Variants in RPS16 observed in about 807,000 individuals in gnomAD.
RPS16 encodes the protein small ribosomal subunit protein uS9.
RPS16 carries 2 observed loss-of-function variants against 20.1 expected under a neutral mutation model. The ratio of observed to expected loss-of-function variants is 0.10; its 90% CI spans 0.04 to 0.31. RPS16 has a LOEUF of 0.31. Ranked by LOEUF, RPS16 falls within the 10% of genes least tolerant of loss-of-function variation. The pLI, the probability that RPS16 is intolerant of heterozygous loss-of-function variation, is 1.00. For missense variants in RPS16, 129 were observed against 198.6 expected, an observed-to-expected ratio of 0.65 and a Z score of 2.11; for synonymous variants, 95 against 76.1, an observed-to-expected ratio of 1.25 and a Z score of -1.29.
intron 1 of RPS16, 33 bp from the exon 2 acceptor site, chr19:39,435,741 A>G (rs1266196181): frequency 3.7e-6 from 6 of 1,610,146 alleles, no homozygotes; most frequent in Middle Eastern, 1.6e-4. Flanking sequence ...GGGCCCCGTG[A>G]GCTCCGGCTC....
Position 39,433,655 on chromosome 19 carries a change from T to A in RPS16, c.247+10A>T. On this transcript the variant is annotated intron_variant, in intron 3 of 4. Transcript: ENST00000251453. ...CCACCTCCTCCATGCGCCCAGTTCC[T>A]GGGACTCACCATAAATCTGGGCCAC... The A allele has an allele frequency of 1.2e-6, 2 of 1,614,224 alleles. No homozygotes were observed. The highest frequency in any genetic ancestry group is 1.1e-5 in the South Asian group (1 of 91,090).
chr19:39,434,101 G>C (rs2078846477), intron 2 of RPS16: 2 of 325,528 alleles, frequency 6.1e-6, no homozygotes, highest in African/African-American at 2.1e-5. Context: ...AATAGCTTCT[G>C]AAACTCCCAA....
rs899123875 is a variant in RPS16 at position 39,435,948 on chromosome 19, G to A, written c.-53C>T. On this transcript the variant is annotated 5_prime_UTR_variant, in exon 1 of 5. Transcript: ENST00000251453. ...ACCGCGCGGCGCCGCAACCGGAAAAGGAAAGCTAGGGGCCACCCTGGCCGC... is the reference window on the plus strand; with the variant it reads ...ACCGCGCGGCGCCGCAACCGGAAAAAGAAAGCTAGGGGCCACCCTGGCCGC... 41 of 1,600,336 alleles carry A rather than the reference G, an allele frequency of 2.6e-5. No individual in the cohort carries two copies. Among genetic ancestry groups the A allele is most frequent in the East Asian group, 1.3e-4 (6 of 44,852 alleles).
At position 39,433,435 on chromosome 19, in the gene RPS16, G is replaced by A; in HGVS notation, c.296-17C>T. ...CATCCACATCTGGCAAGAAGAGCAG[G>A]GACGAGGATTTAGATAATCACACAG... is the stretch of plus-strand genomic sequence containing the variant. On this transcript the variant is annotated splice_polypyrimidine_tract_variant and intron_variant, in intron 4 of 4. Coordinates refer to ENST00000251453, the MANE Select transcript of RPS16 (RefSeq NM_001020.6). 1 of 1,613,836 alleles carries A rather than the reference G, an allele frequency of 6.2e-7. No individual in the cohort carries two copies. Among genetic ancestry groups the A allele is most frequent in the South Asian group, 1.1e-5 (1 of 91,068 alleles).
chr19:39,435,728 C>T lies in RPS16; in HGVS notation c.49-20G>A, dbSNP rs1411734967. On this transcript the variant is annotated intron_variant, in intron 1 of 4. Coordinates refer to ENST00000251453, the MANE Select transcript of RPS16 (RefSeq NM_001020.6). ...TGTCTTCTGTAAGATACAAGAGAAA[C>T]AGGGGCCCCGTGAGCTCCGGCTCCA... 1.9e-6 allele frequency: 3 copies of T among 1,612,346 alleles called. No homozygotes were observed. Among genetic ancestry groups the T allele is most frequent in the Middle Eastern group, 1.7e-4 (1 of 6,060 alleles).
At position 39,433,202 on chromosome 19, in the gene RPS16, C is replaced by A; in HGVS notation, c.*71G>T. 1 of 1,499,542 alleles carries A rather than the reference C, an allele frequency of 6.7e-7. No individual in the cohort carries two copies. Among genetic ancestry groups the A allele is most frequent in the Non-Finnish European group, 9.2e-7 (1 of 1,084,452 alleles). 92.9% of individuals were successfully genotyped at this position (1,499,542 alleles called of 1,614,324 possible). A position where few individuals can be genotyped will look rare whatever the true frequency, so the allele number is the denominator to read the frequency against. ...TCCAATACCAACACATAAGGCCACA[C>A]ACAGTTCTTGAAACTTTAAAATCCC... On this transcript the variant is annotated 3_prime_UTR_variant, in exon 5 of 5. Transcript: ENST00000251453.
At chr19:39,433,826 G>T in intron 2 of RPS16, 65 bp from the exon 3 acceptor site, 1 of 1,507,290 alleles carries the variant, frequency 6.6e-7, no homozygotes. Flanking sequence ...ATCTCACTGG[G>T]CTTCTTGTTT....
At chr19:39,434,868 G>A (rs925256487) in intron 2 of RPS16, 3 of 152,248 alleles carry the variant, frequency 2.0e-5, no homozygotes, top group Non-Finnish European at 2.9e-5. Flanking sequence ...CTGCAATGTA[G>A]ATATTCTTTC....
chr19:39,435,425 T>A, intron 2 of RPS16, 182 bp downstream of exon 2: 1 of 585,708 alleles, frequency 1.7e-6, no homozygotes, highest in Non-Finnish European at 3.0e-6. Flanking sequence ...CAACCCCATC[T>A]CAGCTTTTAC....
rs182841244 is a variant in RPS16 at position 39,433,390 on chromosome 19, G to A, written c.324C>T (p.Ile108=). The A allele has an allele frequency of 1.3e-4, 213 of 1,614,162 alleles. 1 individual carries two copies. The East Asian group carries it at 4.5e-3, about 34-fold the overall frequency. ...GGTCATACTGGATGAGGATGTCTTT[G>A]ATCTCCTTCTTGGAAGCCTCATCCA... The part of the protein sequence containing the change: ...KYVDEASKKE[I]KDILIQYDRT... The change falls in exon 5 of 5, where the codon ATC becomes ATT. Residue 108 remains isoleucine (I), a synonymous_variant. Coordinates refer to ENST00000251453, the MANE Select transcript of RPS16 (RefSeq NM_001020.6).
intron 2 of RPS16, 147 bp downstream of exon 2, chr19:39,435,460 C>A: frequency 1.6e-6 from 1 of 628,090 alleles, no homozygotes; most frequent in Non-Finnish European, 2.8e-6. Context: ...AAGCCCAGCT[C>A]TATTGCCAAA....
At position 39,435,579 on chromosome 19, in the gene RPS16, A is replaced by G. The variant is rs760060072; in HGVS notation, c.150+28T>C. On this transcript the variant is annotated intron_variant, in intron 2 of 4. Coordinates refer to ENST00000251453, the MANE Select transcript of RPS16 (RefSeq NM_001020.6). ...CTCTGTCTCCAAGAGTCCTCCATCCACTCAACGCCGGTGCCGGATCCCAGC... is the reference window on the plus strand; with the variant it reads ...CTCTGTCTCCAAGAGTCCTCCATCCGCTCAACGCCGGTGCCGGATCCCAGC... 4.4e-6 allele frequency: 7 copies of G among 1,590,752 alleles called. No individual in the cohort carries two copies. In the East Asian group the frequency reaches 1.6e-4, roughly 36 times the overall value.
At chr19:39,435,097 G>A (rs2078853057) in intron 2 of RPS16, 1 of 154,772 alleles carries the variant, frequency 6.5e-6, no homozygotes, top group South Asian at 1.8e-4. Context: ...TAATGAGTTC[G>A]AGACCACTCT....
chr19:39,433,504 G>A lies in RPS16; in HGVS notation c.295+18C>T, dbSNP rs1372600577. 12 of 1,613,746 alleles carry A rather than the reference G, an allele frequency of 7.4e-6. No homozygotes were observed. Among genetic ancestry groups the A allele is most frequent in the Non-Finnish European group, 1.0e-5 (12 of 1,179,600 alleles). On this transcript the variant is annotated intron_variant, in intron 4 of 4. Transcript: ENST00000251453. ...CACACACCCATCTACCTCATGGGAA[G>A]GACCCATGCTCACTCACATTTCTGG...
chr19:39,435,457 G>A (rs1055491451), intron 2 of RPS16, 150 bp downstream of exon 2: 9 of 621,906 alleles, frequency 1.4e-5, no homozygotes, highest in East Asian at 1.4e-4. Flanking sequence ...CCCAAGCCCA[G>A]CTCTATTGCC....
intron 4 of RPS16, 34 bp from the exon 5 acceptor site, chr19:39,433,452 A>G: frequency 6.2e-7 from 1 of 1,613,398 alleles, no homozygotes; most frequent in Non-Finnish European, 8.5e-7. Context: ...GATTTAGATA[A>G]TCACACAGAG....
Position 39,433,736 on chromosome 19 carries a change from C to T in RPS16, c.176G>A (p.Gly59Asp). The change falls in exon 3 of 5, where the codon GGC becomes GAC. Residue 59 changes from glycine (G) to aspartate (D), a missense_variant. This residue lies in a region of RPS16 where 117 missense variants were observed against 151.4 expected (regional missense o/e 0.77). Coordinates refer to ENST00000251453, the MANE Select transcript of RPS16 (RefSeq NM_001020.6). The stretch of plus-strand genomic sequence containing the variant: ...GTCTACACCAGCAAATCGCTCCTTG[C>T]CGAGAAGCAGAACTGGCTCCAGCAG... ...YKLLEPVLLLGKERFAGVDIR... is the reference protein window; with the variant it reads ...YKLLEPVLLLDKERFAGVDIR... The T allele has an allele frequency of 6.2e-7, 1 of 1,614,144 alleles. No individual in the cohort carries two copies. The highest frequency in any genetic ancestry group is 8.5e-7 in the Non-Finnish European group (1 of 1,180,020).
rs1026275629 is a variant in RPS16 at position 39,433,138 on chromosome 19, T to A, written c.*135A>T. ...GGAGGGTCAAAATCCAGACTGGCAATAGGTCCAGGATGTTTACTGATTTCT... is the reference window on the plus strand; with the variant it reads ...GGAGGGTCAAAATCCAGACTGGCAAAAGGTCCAGGATGTTTACTGATTTCT... On this transcript the variant is annotated 3_prime_UTR_variant, in exon 5 of 5. Transcript: ENST00000251453. 1.0e-6 allele frequency: 1 copy of A among 999,124 alleles called. No homozygotes were observed. The highest frequency in any genetic ancestry group is 1.6e-5 in the South Asian group (1 of 62,892). 61.9% of individuals were successfully genotyped at this position (999,124 alleles called of 1,614,324 possible). A position where few individuals can be genotyped will look rare whatever the true frequency, so the allele number is the denominator to read the frequency against.
rs1444021363 is a variant in RPS16 at position 39,433,505 on chromosome 19, G to A, written c.295+17C>T. On this transcript the variant is annotated intron_variant, in intron 4 of 4. Coordinates refer to ENST00000251453, the MANE Select transcript of RPS16 (RefSeq NM_001020.6). ...ACACACCCATCTACCTCATGGGAAG[G>A]ACCCATGCTCACTCACATTTCTGGT... The A allele has an allele frequency of 6.2e-7, 1 of 1,613,900 alleles. No individual in the cohort carries two copies.
Sources: allele counts gnomAD v4.1 joint callset, GRCh38; gene constraint gnomAD v4.1.1; regional missense constraint gnomAD v4.1.1; transcripts MANE v1.5; gene names NCBI Gene and HGNC (gene_info 2026-07-23, HGNC 2026-07-21).